The following SPDYE4 variants were observed in gnomAD, a reference collection of about 807,000 sequenced individuals.
SPDYE4 encodes speedy protein E4.
Under a neutral mutation model 37.5 loss-of-function variants are expected in SPDYE4, and 30 were observed. The ratio of observed to expected loss-of-function variants is 0.80; its 90% CI spans 0.60 to 1.09. The LOEUF (loss-of-function observed/expected upper bound fraction) is 1.09, where lower values mean the gene tolerates loss of function less well. Among genes scored for constraint, SPDYE4 ranks in the 50% least tolerant of loss-of-function variants. The pLI is 0.00. For missense variants in SPDYE4, 300 were observed against 307.9 expected, an observed-to-expected ratio of 0.97 and a Z score of 0.19; for synonymous variants, 131 against 120.3, an observed-to-expected ratio of 1.09 and a Z score of -0.58.
In SPDYE4 at chr17:8,753,316, C is replaced by T. The variant is rs768611408; in HGVS notation, c.654+5G>A. The T allele has an allele frequency of 6.4e-7, 1 of 1,569,062 alleles. No individual in the cohort carries two copies. The highest frequency in any genetic ancestry group is 8.6e-7 in the Non-Finnish European group (1 of 1,156,364). On this transcript the variant is annotated splice_donor_5th_base_variant and intron_variant, in intron 5 of 6. Coordinates refer to ENST00000689094, the MANE Select transcript of SPDYE4 (RefSeq NM_001394956.1). ...ACCCCCACCTCCTCATATGGCCCCA[C>T]CTACCTCCTCCATCTCCTCTGGGGA...
In SPDYE4 at chr17:8,751,632, G is replaced by T. The variant is rs959450592; in HGVS notation, c.*650C>A. Among the ~76,000 whole-genome samples the T allele has an allele frequency of 1.2e-4, 19 of 152,246 alleles. No homozygotes were observed. Among genetic ancestry groups the T allele is most frequent in the African/African-American group, 4.6e-4 (19 of 41,552 alleles). ...AAAGAGAAAACATTTACGATAAAAA[G>T]AATCCTCTCTTAAAAATGAAAACTA... On this transcript the variant is annotated 3_prime_UTR_variant, in exon 7 of 7. Coordinates refer to ENST00000689094, the MANE Select transcript of SPDYE4 (RefSeq NM_001394956.1).
At chr17:8,752,414 C>T (rs143447452) in intron 6 of SPDYE4, among the ~76,000 whole-genome samples, 177 bp from the exon 7 acceptor site, 201 of 152,300 alleles carry the variant, frequency 1.3e-3, no homozygotes, top group African/African-American at 4.7e-3. Context: ...CTGGTACTCA[C>T]ACTTTGGTGA....
In SPDYE4 at chr17:8,753,382, C is replaced by T. The variant is rs896292502; in HGVS notation, c.593G>A (p.Arg198Gln). ...YSQRPLFHKL[R>Q]YQLLCSMRWR... ...GCGCATGGAACAGAGGAGCTGGTAT[C>T]GAAGCTTATGGAACAAGGGTCGCTG... The change falls in exon 5 of 7, where the codon CGA (arginine) becomes CAA (glutamine). Residue 198 changes from arginine to glutamine, a missense_variant. Transcript: ENST00000689094. The T allele has an allele frequency of 3.8e-6, 6 of 1,587,004 alleles. No homozygotes were observed. The highest frequency in any genetic ancestry group is 3.7e-5 in the Admixed American group (2 of 54,658).
intron 4 of SPDYE4, chr17:8,755,295 G>T: frequency 1.9e-6 from 1 of 520,458 alleles, no homozygotes; most frequent in Non-Finnish European, 3.1e-6. Flanking sequence ...TTCCCCTTAG[G>T]ACGGGTTTAT....
Position 8,753,131 on chromosome 17 carries a change from C to T in SPDYE4, c.*7G>A, listed in dbSNP as rs775455440. The T allele has an allele frequency of 3.2e-5, 52 of 1,613,928 alleles. No homozygotes were observed. The highest frequency in any genetic ancestry group is 8.9e-5 in the East Asian group (4 of 44,858). On this transcript the variant is annotated 3_prime_UTR_variant, in exon 6 of 7. Coordinates refer to ENST00000689094, the MANE Select transcript of SPDYE4 (RefSeq NM_001394956.1). The stretch of plus-strand genomic sequence containing the variant: ...CGATGACCTCAGGCCTCCATGTCCC[C>T]GGAGCTCTAGGAAATGAGGGTGCGA...
chr17:8,755,260 G>C, intron 4 of SPDYE4: 1 of 352,856 alleles, frequency 2.8e-6, no homozygotes, highest in Non-Finnish European at 5.1e-6. Context: ...TGCTTGGGGA[G>C]CAGGGTCGTG....
At chr17:8,757,580 A>T in intron 1 of SPDYE4, 88 bp from the exon 2 acceptor site, 1 of 1,352,086 alleles carries the variant, frequency 7.4e-7, no homozygotes, top group South Asian at 1.4e-5. Flanking sequence ...CTACTCTTCC[A>T]TCCTCCCAAG....
chr17:8,748,599 C>T (rs1228596563), downstream of SPDYE4, among the ~76,000 whole-genome samples: 3 of 152,218 alleles, frequency 2.0e-5, no homozygotes, highest in African/African-American at 4.8e-5. Context: ...GACTAAGACA[C>T]TCACTAACAT....
chr17:8,756,251 A>G (rs1160602086), intron 3 of SPDYE4, 127 bp downstream of exon 3: 2 of 867,438 alleles, frequency 2.3e-6, no homozygotes, highest in Non-Finnish European at 3.6e-6. Context: ...TGGGCGCCCA[A>G]GAGTATGGAA....
chr17:8,757,457 G>C lies in SPDYE4; in HGVS notation c.145C>G (p.Leu49Val), dbSNP rs777998406. 5.6e-6 allele frequency: 9 copies of C among 1,605,600 alleles called. No individual in the cohort carries two copies. The South Asian group carries it at 8.9e-5, about 16-fold the overall frequency. ...WIDPSPQPQS[L>V]GLKRKSEWSD... is the part of the protein sequence containing the mutation. Reference sequence around the variant, plus strand: ...CATTCGCTCTTCCTTTTCAGGCCAAGGGATTGAGGCTGGGGGCTGGGATCT... The same window carrying C: ...CATTCGCTCTTCCTTTTCAGGCCAACGGATTGAGGCTGGGGGCTGGGATCT... Residue 49 changes from leucine (L) to valine (V), a missense_variant, in exon 2 of 7, where the codon CTT (leucine) becomes GTT (valine). Leu to Val is a conservative substitution (Grantham distance 32). Transcript: ENST00000689094.
At chr17:8,755,676 A>G in intron 3 of SPDYE4, 71 bp from the exon 4 acceptor site, 1 of 1,552,508 alleles carries the variant, frequency 6.4e-7, no homozygotes, top group South Asian at 1.1e-5. Flanking sequence ...GGTGGAGAGA[A>G]GGGAACAGGG....
At chr17:8,757,925 G>A (rs1372502033) in intron 1 of SPDYE4, among the ~76,000 whole-genome samples, 1 of 152,046 alleles carries the variant, frequency 6.6e-6, no homozygotes, top group East Asian at 1.9e-4. Flanking sequence ...TGGGACTACA[G>A]GCACGCACCA....
At chr17:8,758,101 C>T (rs1043726366) in intron 1 of SPDYE4, among the ~76,000 whole-genome samples, 173 bp downstream of exon 1, 8 of 152,116 alleles carry the variant, frequency 5.3e-5, no homozygotes, top group Non-Finnish European at 8.8e-5. Flanking sequence ...TTTCTTTACA[C>T]GTGGCCATGC....
chr17:8,752,394 A>G, intron 6 of SPDYE4, among the ~76,000 whole-genome samples, 157 bp from the exon 7 acceptor site: 1 of 152,164 alleles, frequency 6.6e-6, no homozygotes, highest in East Asian at 1.9e-4. Flanking sequence ...CTGAACCATC[A>G]TTTTTGATTC....
At chr17:8,748,868 G>A (rs1023141574), downstream of SPDYE4, among the ~76,000 whole-genome samples, 14 of 152,304 alleles carry the variant, frequency 9.2e-5, no homozygotes, top group Admixed American at 3.9e-4. Flanking sequence ...GCAAGGGACA[G>A]GAAGGCAACT....
chr17:8,749,748 T>A (rs971416987), downstream of SPDYE4, among the ~76,000 whole-genome samples: 1 of 152,042 alleles, frequency 6.6e-6, no homozygotes, highest in African/African-American at 2.4e-5. Context: ...TCTTGTTAAC[T>A]CCCTAAGTTC....
At position 8,758,475 on chromosome 17, in the gene SPDYE4, G is replaced by A. The variant is rs566628104; in HGVS notation, c.-93C>T. ...AGACTCCGTTAGGACCCAGAAGAGT[G>A]CGTTTCTCTTCTAGAGGCTCGGGAG... On this transcript the variant is annotated 5_prime_UTR_variant, in exon 1 of 7. Transcript: ENST00000689094. 2.5e-6 allele frequency: 3 copies of A among 1,206,264 alleles called. No individual in the cohort carries two copies. The highest frequency in any genetic ancestry group is 1.3e-5 in the South Asian group (1 of 75,934). The allele number at this position is 1,206,264 out of a possible 1,614,324, so 74.7% of individuals were successfully genotyped here. A position where few individuals can be genotyped will look rare whatever the true frequency, so the allele number is the denominator to read the frequency against.
downstream of SPDYE4, among the ~76,000 whole-genome samples, chr17:8,749,097 A>T (rs1301072094): frequency 6.8e-6 from 1 of 147,478 alleles, no homozygotes; most frequent in East Asian, 2.0e-4. Flanking sequence ...AATGTTTTGA[A>T]TTTTTTTTTT....
Position 8,755,749 on chromosome 17 carries a change from G to A in SPDYE4, c.400-144C>T, listed in dbSNP as rs1029947328. 8.2e-6 allele frequency: 9 copies of A among 1,094,570 alleles called. No homozygotes were observed. In the African/African-American group the frequency reaches 1.2e-4, roughly 15 times the overall value. The allele number at this position is 1,094,570 out of a possible 1,614,324, so 67.8% of individuals were successfully genotyped here. On this transcript the variant is annotated intron_variant, in intron 3 of 6. Transcript: ENST00000689094. ...TGTTGGGTGACTATGCTCATTGGGG[G>A]CTTGCGGGTGGAGAGTGTTCAAAGT...
Sources: gnomAD v4.1 joint callset for allele counts (sites outside exome capture counted in the v4.1 genomes callset) on GRCh38, gnomAD v4.1.1 for gene constraint, MANE v1.5 for transcripts, NCBI Gene and HGNC (gene_info 2026-07-23, HGNC 2026-07-21) for gene names.